PHOSPHO1: variants seen among roughly 807,000 people sequenced by gnomAD.
PHOSPHO1 encodes the protein phosphoethanolamine/phosphocholine phosphatase 1, also known as phosphoethanolamine/phosphocholine phosphatase.
Under a neutral mutation model 17.7 loss-of-function variants are expected in PHOSPHO1, and 6 were observed. The observed-to-expected ratio is 0.34, with a 90% CI of 0.19 to 0.67. The LOEUF is 0.67. PHOSPHO1 is among the 30% of genes least tolerant of loss of function. PHOSPHO1 has a pLI of 0.69. For synonymous variants in PHOSPHO1, 159 were observed against 174.6 expected, an observed-to-expected ratio of 0.91 and a Z score of 0.71; for missense variants, 330 against 392.1, an observed-to-expected ratio of 0.84 and a Z score of 1.34.
In PHOSPHO1 at chr17:49,224,406, G is replaced by A. The variant is rs567016403; in HGVS notation, c.644C>T (p.Ala215Val). ...ANDFCPMGLL[A>V]GGDVAFPRRG... Reference sequence around the variant, plus strand: ...GCGCGGGAAGGCCACGTCGCCGCCCGCCAGCAGCCCCATGGGGCAGAAGTC... The same window carrying A: ...GCGCGGGAAGGCCACGTCGCCGCCCACCAGCAGCCCCATGGGGCAGAAGTC... The change falls in exon 3 of 3, where the codon GCG (alanine) becomes GTG (valine). Residue 215 changes from alanine to valine, a missense_variant. Physicochemically the swap from Ala to Val is moderately conservative, Grantham distance 64 (BLOSUM62 0). Coordinates refer to ENST00000310544, the MANE Select transcript of PHOSPHO1 (RefSeq NM_178500.4). The A allele has an allele frequency of 1.4e-5, 21 of 1,551,956 alleles. No individual in the cohort carries two copies. The East Asian group carries it at 2.4e-4, about 18-fold the overall frequency.
At chr17:49,225,312 G>A (rs1386651986) in intron 2 of PHOSPHO1, 13 of 985,324 alleles carry the variant, frequency 1.3e-5, no homozygotes, top group Non-Finnish European at 1.6e-5. Flanking sequence ...GCTTAACAAG[G>A]GTCAAAAGAA....
intron 1 of PHOSPHO1, among the ~76,000 whole-genome samples, chr17:49,229,987 G>T (rs560437010): frequency 3.2e-4 from 49 of 152,302 alleles, no homozygotes; most frequent in Non-Finnish European, 5.0e-4. Context: ...ACCAGCTGGC[G>T]GTGGTGGCCC....
rs1293407795 is a variant in PHOSPHO1 at position 49,224,622 on chromosome 17, C to T, written c.428G>A (p.Arg143His). 2 of 1,581,570 alleles carry T rather than the reference C, an allele frequency of 1.3e-6. No individual in the cohort carries two copies. The highest frequency in any genetic ancestry group is 2.3e-5 in the East Asian group (1 of 43,840). Residue 143 changes from arginine (R) to histidine (H), a missense_variant, in exon 3 of 3, where the codon CGC becomes CAC. Transcript: ENST00000310544. ...CCCCGACGGGTTGCTGAGGATGCGG[C>T]GGAACAGGCTGTGGTGGCCGGCGGC... The part of the protein sequence containing the change: ...LRAAGHHSLF[R>H]RILSNPSGPD...
At position 49,226,679 on chromosome 17, in the gene PHOSPHO1, A is replaced by G. The variant is rs1289265545; in HGVS notation, c.13T>C (p.Phe5Leu). Residue 5 changes from phenylalanine (F) to leucine (L), a missense_variant, in exon 2 of 3, where the codon TTT becomes CTT. Coordinates refer to ENST00000310544, the MANE Select transcript of PHOSPHO1 (RefSeq NM_178500.4). MSGCFPVSGLRCLSR... is the reference protein window; with the variant it reads MSGCLPVSGLRCLSR... ...AGGCAGCGGAGGCCAGAAACTGGAA[A>G]ACAGCCACTCATTGTCGGTGCATTA... 2 of 1,614,064 alleles carry G rather than the reference A, an allele frequency of 1.2e-6. No individual in the cohort carries two copies. Among genetic ancestry groups the G allele is most frequent in the African/African-American group, 2.7e-5 (2 of 74,930 alleles).
intron 2 of PHOSPHO1, among the ~76,000 whole-genome samples, 176 bp downstream of exon 2, chr17:49,226,471 A>G (rs1598252855): frequency 6.6e-6 from 1 of 152,128 alleles, no homozygotes; most frequent in Non-Finnish European, 1.5e-5. Context: ...GCAGATATAA[A>G]GCATCAGGAC....
chr17:49,228,286 TTCC>T (rs2043378312), intron 1 of PHOSPHO1, among the ~76,000 whole-genome samples: 1 of 61,906 alleles, frequency 1.6e-5, no homozygotes, highest in African/African-American at 5.5e-5. Flanking sequence ...CCTTCCTTCC[TTCC>T]TTCCTTCCTC....
At position 49,224,840 on chromosome 17, in the gene PHOSPHO1, C is replaced by T; in HGVS notation, c.210G>A (p.Glu70=). ...GGTACTTGAAGACGCGCTGCATGTACTCGTTGTAGAAGCCCTCGCGGTAGG... is the reference window on the plus strand; with the variant it reads ...GGTACTTGAAGACGCGCTGCATGTATTCGTTGTAGAAGCCCTCGCGGTAGG... ...RATYREGFYN[E]YMQRVFKYLG... The change falls in exon 3 of 3, where the codon GAG becomes GAA. Residue 70 remains glutamate, a synonymous_variant. Coordinates refer to ENST00000310544, the MANE Select transcript of PHOSPHO1 (RefSeq NM_178500.4). 2 of 1,606,500 alleles carry T rather than the reference C, an allele frequency of 1.2e-6. No individual in the cohort carries two copies. Among genetic ancestry groups the T allele is most frequent in the Non-Finnish European group, 1.7e-6 (2 of 1,176,780 alleles).
At chr17:49,226,552 G>A (rs1567889582) in intron 2 of PHOSPHO1, 95 bp downstream of exon 2, 1 of 1,330,542 alleles carries the variant, frequency 7.5e-7, no homozygotes, top group Non-Finnish European at 1.1e-6. Context: ...CCTAAAACGG[G>A]CTGGATAGGG....
In PHOSPHO1 at chr17:49,225,018, G is replaced by A. The variant is rs748385894; in HGVS notation, c.46-14C>T. On this transcript the variant is annotated splice_polypyrimidine_tract_variant and intron_variant, in intron 2 of 2. Coordinates refer to ENST00000310544, the MANE Select transcript of PHOSPHO1 (RefSeq NM_178500.4). ...CATCCTGCCGTCCTGGGAGCAGGGG[G>A]GAGAGCAGCAGGAGGAGGAGGAGGA... 3 of 1,494,030 alleles carry A rather than the reference G, an allele frequency of 2.0e-6. No homozygotes were observed. Among genetic ancestry groups the A allele is most frequent in the South Asian group, 1.3e-5 (1 of 75,986 alleles). 92.5% of individuals were successfully genotyped at this position (1,494,030 alleles called of 1,614,324 possible).
Position 49,226,139 on chromosome 17 carries a change from G to A in PHOSPHO1, c.45+508C>T, listed in dbSNP as rs532155996. ...CTTTGCCTGCCAGTGTGTGAGAGGC[G>A]CAGAGGGGCAGTGAGCAGGTGACAT... On this transcript the variant is annotated intron_variant, in intron 2 of 2. Coordinates refer to ENST00000310544, the MANE Select transcript of PHOSPHO1 (RefSeq NM_178500.4). Among the ~76,000 whole-genome samples the A allele has an allele frequency of 4.6e-5, 7 of 152,188 alleles. No homozygotes were observed. The East Asian group carries it at 1.2e-3, about 25-fold the overall frequency.
intron 2 of PHOSPHO1, chr17:49,225,512 T>G: frequency 8.2e-7 from 1 of 1,225,058 alleles, no homozygotes. Flanking sequence ...AGTTTCCTCA[T>G]TCTCCTTTTG....
Position 49,224,045 on chromosome 17 carries a change from G to T in PHOSPHO1, c.*201C>A. The T allele has an allele frequency of 1.3e-6, 1 of 754,858 alleles. No homozygotes were observed. The highest frequency in any genetic ancestry group is 2.0e-6 in the Non-Finnish European group (1 of 492,582). 46.8% of individuals were successfully genotyped at this position (754,858 alleles called of 1,614,324 possible). A position where few individuals can be genotyped will look rare whatever the true frequency, so the allele number is the denominator to read the frequency against. On this transcript the variant is annotated 3_prime_UTR_variant, in exon 3 of 3. Coordinates refer to ENST00000310544, the MANE Select transcript of PHOSPHO1 (RefSeq NM_178500.4). ...CAACCGTGCACAGTGGAGTGGGGGAGGCAGCCGAGGTGGGTTAACTGAATA... is the reference window on the plus strand; with the variant it reads ...CAACCGTGCACAGTGGAGTGGGGGATGCAGCCGAGGTGGGTTAACTGAATA...
rs752960794 is a variant in PHOSPHO1, at chr17:49,224,529, T to G, written c.521A>C (p.Asn174Thr). ...GCTGAGCACCTTGTGCTTGCACATG[T>G]TGGCGGGGCAGCGCGCGCAGCTGTG... ...HTHSCARCPA[N>T]MCKHKVLSDY... Residue 174 changes from asparagine (N) to threonine (T), a missense_variant, in exon 3 of 3, where the codon AAC becomes ACC. Coordinates refer to ENST00000310544, the MANE Select transcript of PHOSPHO1 (RefSeq NM_178500.4). The G allele has an allele frequency of 6.4e-7, 1 of 1,573,798 alleles. No individual in the cohort carries two copies. The highest frequency in any genetic ancestry group is 1.8e-5 in the Admixed American group (1 of 54,844).
chr17:49,228,683 G>A (rs981977147), intron 1 of PHOSPHO1, among the ~76,000 whole-genome samples: 6 of 151,768 alleles, frequency 4.0e-5, no homozygotes, highest in African/African-American at 7.3e-5. Context: ...CCAGCTACTC[G>A]GGAGGCTGAG....
Position 49,224,283 on chromosome 17 carries a change from A to G in PHOSPHO1, c.767T>C (p.Val256Ala). 1 of 1,596,222 alleles carries G rather than the reference A, an allele frequency of 6.3e-7. No homozygotes were observed. The highest frequency in any genetic ancestry group is 2.2e-5 in the East Asian group (1 of 44,602). The change falls in exon 3 of 3, where the codon GTG becomes GCG. Residue 256 changes from valine (V) to alanine (A), a missense_variant. Transcript: ENST00000310544. ...CAGCACCTGTTGCAGGTGGAGGCGC[A>G]CATCTGCAGCCGTTTCCCAGGGCAC... The part of the protein sequence containing the change: ...SVVPWETAAD[V>A]RLHLQQVLKS...
rs2043405194 is a variant in PHOSPHO1 at position 49,230,710 on chromosome 17, G to C, written c.-310C>G. On this transcript the variant is annotated 5_prime_UTR_variant, in exon 1 of 3. Coordinates refer to ENST00000310544, the MANE Select transcript of PHOSPHO1 (RefSeq NM_178500.4). ...CCTCCACTTGCCCCTCATCCCCCCCGGGCAGCCGCCGCGTCCCCTTTAAAT... is the reference window on the plus strand; with the variant it reads ...CCTCCACTTGCCCCTCATCCCCCCCCGGCAGCCGCCGCGTCCCCTTTAAAT... The C allele has an allele frequency of 6.5e-6, 1 of 154,106 alleles. No individual in the cohort carries two copies. The highest frequency in any genetic ancestry group is 1.5e-5 in the Non-Finnish European group (1 of 68,920). The allele number at this position is 154,106 out of a possible 1,614,324, so 9.5% of individuals were successfully genotyped here.
At chr17:49,230,083 TAGGGGC>T (rs1302717177) in intron 1 of PHOSPHO1, among the ~76,000 whole-genome samples, 7 of 151,566 alleles carry the variant, frequency 4.6e-5, no homozygotes, top group East Asian at 1.9e-4. Flanking sequence ...GAGGGGATCC[TAGGGGC>T]AGGGGCAGGG....
Position 49,224,064 on chromosome 17 carries a change from C to T in PHOSPHO1, c.*182G>A, listed in dbSNP as rs1465361114. ...GGGGGAGGCAGCCGAGGTGGGTTAACTGAATAGATAGGGACGGCTCTGAGC... is the reference window on the plus strand; with the variant it reads ...GGGGGAGGCAGCCGAGGTGGGTTAATTGAATAGATAGGGACGGCTCTGAGC... On this transcript the variant is annotated 3_prime_UTR_variant, in exon 3 of 3. Coordinates refer to ENST00000310544, the MANE Select transcript of PHOSPHO1 (RefSeq NM_178500.4). The T allele has an allele frequency of 3.2e-6, 3 of 926,246 alleles. No individual in the cohort carries two copies. The African/African-American group carries it at 5.0e-5, about 16-fold the overall frequency. 57.4% of individuals were successfully genotyped at this position (926,246 alleles called of 1,614,324 possible).
chr17:49,226,735 G>A lies in PHOSPHO1; in HGVS notation c.-44C>T. 2 of 1,611,038 alleles carry A rather than the reference G, an allele frequency of 1.2e-6. No homozygotes were observed. On this transcript the variant is annotated 5_prime_UTR_variant, in exon 2 of 3. Transcript: ENST00000310544. The stretch of plus-strand genomic sequence containing the variant: ...AGCACCACCTGTAGGGACTCTGTTG[G>A]CCTCCAGCCGTCGTCACACGTTCCT...
Sources: allele counts gnomAD v4.1 joint callset (sites outside exome capture counted in the v4.1 genomes callset), GRCh38; gene constraint gnomAD v4.1.1; transcripts MANE v1.5; gene names NCBI Gene and HGNC (gene_info 2026-07-23, HGNC 2026-07-21).